ATRNL1: variants seen among roughly 807,000 people sequenced by gnomAD.
ATRNL1 encodes attractin like 1.
A neutral mutation model predicts 182.7 loss-of-function variants in ATRNL1; 95 were observed. The observed-to-expected ratio is 0.52, with a 90% confidence interval of 0.44 to 0.62. ATRNL1 has a LOEUF of 0.62. Among genes scored for constraint, ATRNL1 ranks in the 20% least tolerant of loss-of-function variants. The pLI is 0.00. For synonymous variants in ATRNL1, 576 were observed against 568.3 expected (o/e 1.01, Z -0.19); for missense variants, 1,471 against 1,679.5 (o/e 0.88, Z 2.17).
chr10:115,263,438 A>T (rs1406044681), intron 10 of ATRNL1, among the ~76,000 whole-genome samples: 1 of 151,802 alleles, frequency 6.6e-6, no homozygotes, highest in Non-Finnish European at 1.5e-5. Flanking sequence ...TGGAAAACAG[A>T]ATGGCAGTTT....
chr10:115,202,092 A>T (rs1337693142), intron 8 of ATRNL1, among the ~76,000 whole-genome samples: 1 of 151,962 alleles, frequency 6.6e-6, no homozygotes, highest in African/African-American at 2.4e-5. Flanking sequence ...GTATCCTGAG[A>T]CTTTGCTGAA....
chr10:115,619,614 A>T (rs1857615885), intron 26 of ATRNL1, among the ~76,000 whole-genome samples: 2 of 152,192 alleles, frequency 1.3e-5, no homozygotes, highest in South Asian at 4.1e-4. Flanking sequence ...TGTAATATGA[A>T]TTTAAAAGTA....
At chr10:115,410,050 C>T (rs1845055001) in intron 20 of ATRNL1, among the ~76,000 whole-genome samples, 1 of 152,054 alleles carries the variant, frequency 6.6e-6, no homozygotes, top group East Asian at 1.9e-4. Flanking sequence ...TTGTGTTGAA[C>T]CATCCTTACA....
intron 26 of ATRNL1, among the ~76,000 whole-genome samples, chr10:115,625,226 G>A (rs1858017848): frequency 1.3e-5 from 2 of 152,088 alleles, no homozygotes; most frequent in South Asian, 4.1e-4. Flanking sequence ...TCAATACAAG[G>A]TCTTTTGGTA....
chr10:115,253,320 C>A (rs1190077996), intron 10 of ATRNL1, among the ~76,000 whole-genome samples: 3 of 152,102 alleles, frequency 2.0e-5, no homozygotes, highest in Non-Finnish European at 4.4e-5. Flanking sequence ...GCCTTTATAC[C>A]AATACATTGA....
intron 21 of ATRNL1, among the ~76,000 whole-genome samples, chr10:115,440,595 CT>C (rs1243993316): frequency 6.6e-6 from 1 of 151,846 alleles, no homozygotes; most frequent in Non-Finnish European, 1.5e-5. Context: ...CTGCTGTCTT[CT>C]TTTATACCCT....
chr10:115,810,979 T>A (rs1555086865), intron 27 of ATRNL1, among the ~76,000 whole-genome samples: 1 of 151,906 alleles, frequency 6.6e-6, no homozygotes, highest in African/African-American at 2.4e-5. Context: ...TTTTTCTATT[T>A]TGCATGTTAT....
At chr10:115,569,136 T>C (rs1320485696) in intron 26 of ATRNL1, among the ~76,000 whole-genome samples, 2 of 152,088 alleles carry the variant, frequency 1.3e-5, no homozygotes, top group Admixed American at 1.3e-4. Context: ...TGAAGAAATA[T>C]GGTATGTACC....
At chr10:115,708,063 A>G (rs1464954704) in intron 26 of ATRNL1, among the ~76,000 whole-genome samples, 3 of 151,644 alleles carry the variant, frequency 2.0e-5, no homozygotes, top group African/African-American at 7.2e-5. Flanking sequence ...TTTAAATTAT[A>G]TATAATGAAA....
intron 27 of ATRNL1, among the ~76,000 whole-genome samples, chr10:115,743,556 A>G (rs183282152): frequency 2.2e-3 from 332 of 152,294 alleles, no homozygotes; most frequent in African/African-American, 7.8e-3. Context: ...GGATATAGAA[A>G]TTATGTAGGA....
chr10:115,428,039 T>C (rs2134401801), intron 21 of ATRNL1, among the ~76,000 whole-genome samples: 1 of 152,156 alleles, frequency 6.6e-6, no homozygotes, highest in African/African-American at 2.4e-5. Context: ...AGTGAGTCTT[T>C]GGAATTATTG....
intron 26 of ATRNL1, among the ~76,000 whole-genome samples, chr10:115,682,362 A>C (rs1946074490): frequency 6.6e-6 from 1 of 152,084 alleles, no homozygotes; most frequent in Non-Finnish European, 1.5e-5. Context: ...AACATGGTGA[A>C]CCCCATCTCT....
intron 27 of ATRNL1, among the ~76,000 whole-genome samples, chr10:115,765,696 G>A (rs1243331528): frequency 6.6e-6 from 1 of 152,040 alleles, no homozygotes; most frequent in Non-Finnish European, 1.5e-5. Flanking sequence ...GGTGTTATAT[G>A]TAAAAAATTA....
intron 26 of ATRNL1, among the ~76,000 whole-genome samples, chr10:115,596,354 C>T (rs1274098037): frequency 1.3e-5 from 2 of 152,196 alleles, no homozygotes; most frequent in African/African-American, 4.8e-5. Context: ...GATCCACCTG[C>T]CTTGGCCTCC....
At chr10:115,169,401 G>T (rs1592204194) in intron 7 of ATRNL1, among the ~76,000 whole-genome samples, 1 of 151,694 alleles carries the variant, frequency 6.6e-6, no homozygotes. Flanking sequence ...TAGAGATGGG[G>T]TTTCACCATG....
At chr10:115,154,555 A>T (rs555103501) in intron 5 of ATRNL1, among the ~76,000 whole-genome samples, 18 of 152,098 alleles carry the variant, frequency 1.2e-4, no homozygotes, top group Admixed American at 2.6e-4. Flanking sequence ...TCAGAGAAAA[A>T]GAATTGCAAC....
At chr10:115,191,854 G>T (rs557383825) in intron 8 of ATRNL1, among the ~76,000 whole-genome samples, 2 of 152,168 alleles carry the variant, frequency 1.3e-5, no homozygotes, top group Middle Eastern at 3.4e-3. Context: ...GTCTTGGGCA[G>T]TTCTTTATAG....
intron 28 of ATRNL1, among the ~76,000 whole-genome samples, chr10:115,935,674 G>T (rs1953535256): frequency 2.0e-5 from 3 of 152,226 alleles, no homozygotes; most frequent in Admixed American, 6.5e-5. Flanking sequence ...GACAAAAATA[G>T]CTTCCTGACC....
At position 115,192,853 on chromosome 10, in the gene ATRNL1, T is replaced by C. The variant is rs530750667; in HGVS notation, c.1348+21561T>C. Among the ~76,000 whole-genome samples, 13 of 152,190 alleles carry C rather than the reference T, an allele frequency of 8.5e-5. No individual in the cohort carries two copies. In the South Asian group the frequency reaches 2.7e-3, roughly 32 times the overall value. ...TATTTTAAATGGGATTACTTTTTTT[T>C]GGTTTCTTTTTCAGATTGTGCACTG... On this transcript the variant is annotated intron_variant, in intron 8 of 28. Transcript: ENST00000355044.
Sources: allele counts gnomAD v4.1 joint callset (sites outside exome capture counted in the v4.1 genomes callset), GRCh38; gene constraint gnomAD v4.1.1; transcripts MANE v1.5; gene names NCBI Gene and HGNC (gene_info 2026-07-23, HGNC 2026-07-21).